ADGRV1: variants seen among roughly 807,000 people sequenced by gnomAD.
The protein encoded by ADGRV1 is adhesion G protein-coupled receptor V1, also known as G-protein coupled receptor 98.
ADGRV1 carries 359 observed loss-of-function variants against 596.2 expected under a neutral mutation model. That is an observed-to-expected ratio of 0.60 (90% CI 0.55 to 0.66). The LOEUF (loss-of-function observed/expected upper bound fraction) is 0.66. Ranked by LOEUF, ADGRV1 falls within the 30% of genes least tolerant of loss-of-function variation. The pLI is 0.00. For missense variants in ADGRV1, 7,274 were observed against 7,575.6 expected (o/e 0.96, Z 1.48); for synonymous variants, 2,681 against 2,679.2 (o/e 1.00, Z -0.02).
At chr5:90,584,435 A>G (rs1024967794) in intron 1 of ADGRV1, among the ~76,000 whole-genome samples, 2 of 152,202 alleles carry the variant, frequency 1.3e-5, no homozygotes, top group Admixed American at 1.3e-4. Flanking sequence ...TTTAGGCATA[A>G]CCAACTTCTC....
intron 1 of ADGRV1, among the ~76,000 whole-genome samples, chr5:90,593,272 TA>T (rs368974202): frequency 0.022 from 3,387 of 152,134 alleles, 96 homozygotes; most frequent in African/African-American, 0.067. Context: ...TATGCAGCCA[TA>T]AAAAAGGATG....
intron 70 of ADGRV1, among the ~76,000 whole-genome samples, chr5:90,794,456 C>G (rs1167054422): frequency 6.6e-6 from 1 of 152,118 alleles, no homozygotes; most frequent in Non-Finnish European, 1.5e-5. Context: ...ATATTTGTGG[C>G]TGGGTCATTT....
intron 1 of ADGRV1, among the ~76,000 whole-genome samples, chr5:90,573,807 A>C (rs967270231): frequency 6.6e-6 from 1 of 152,202 alleles, no homozygotes; most frequent in African/African-American, 2.4e-5. Flanking sequence ...CCATTTACCA[A>C]AGCATAATTT....
At chr5:91,099,503 G>T (rs530116449) in intron 86 of ADGRV1, among the ~76,000 whole-genome samples, 1 of 152,324 alleles carries the variant, frequency 6.6e-6, no homozygotes, top group South Asian at 2.1e-4. Flanking sequence ...AGCTGGAATT[G>T]TGGGACACTG....
At chr5:90,619,304 T>G (rs1385439131) in intron 4 of ADGRV1, 123 bp downstream of exon 4, 1 of 466,912 alleles carries the variant, frequency 2.1e-6, no homozygotes, top group Non-Finnish European at 3.8e-6. Context: ...AAATTTGCTT[T>G]AACTTTGTCC....
At chr5:90,596,231 TGGC>T (rs1265317743) in intron 1 of ADGRV1, among the ~76,000 whole-genome samples, 1 of 143,542 alleles carries the variant, frequency 7.0e-6, no homozygotes, top group Non-Finnish European at 1.5e-5. Flanking sequence ...CTAGATGTGA[TGGC>T]GGCCGGGAAG....
chr5:91,134,174 G>T (rs6898197), intron 87 of ADGRV1, among the ~76,000 whole-genome samples: 2,467 of 151,918 alleles, frequency 0.016, 74 homozygotes, highest in African/African-American at 0.057. Flanking sequence ...TTAAAGGAAT[G>T]ACCTGCTGTT....
intron 43 of ADGRV1, chr5:90,718,504 T>C (rs1373235827): frequency 6.6e-6 from 1 of 152,196 alleles, no homozygotes; most frequent in African/African-American, 2.4e-5. Flanking sequence ...GAAAATATAA[T>C]AAATCTAAAA....
At chr5:90,823,379 G>A (rs765238652) in intron 75 of ADGRV1, 46 bp from the exon 76 acceptor site, 2 of 1,578,918 alleles carry the variant, frequency 1.3e-6, no homozygotes, top group South Asian at 1.1e-5. Flanking sequence ...ATTAGACATG[G>A]GGATGACACC....
chr5:90,777,944 G>A lies in ADGRV1; in HGVS notation c.12567G>A (p.Val4189=), dbSNP rs1335166952. 5 of 1,612,910 alleles carry A rather than the reference G, an allele frequency of 3.1e-6. No homozygotes were observed. Among genetic ancestry groups the A allele is most frequent in the Non-Finnish European group, 4.2e-6 (5 of 1,179,356 alleles). Residue 4189 remains valine (V), a synonymous_variant, in exon 62 of 90, where the codon GTG becomes GTA. Transcript: ENST00000405460. ...RGPGILGEVT[V]FWRIFPPSVG... ...CAGGGATTTTGGGGGAGGTCACAGTGTTCTGGAGGATATTCCCTCCTTCCG... is the reference window on the plus strand; with the variant it reads ...CAGGGATTTTGGGGGAGGTCACAGTATTCTGGAGGATATTCCCTCCTTCCG...
chr5:90,745,939 G>A, intron 52 of ADGRV1, 144 bp downstream of exon 52: 1 of 590,110 alleles, frequency 1.7e-6, no homozygotes, highest in Non-Finnish European at 3.0e-6. Flanking sequence ...TCCCTTTTAT[G>A]TGCATTCTAG....
chr5:90,728,979 A>G, intron 49 of ADGRV1, 46 bp downstream of exon 49: 3 of 1,299,522 alleles, frequency 2.3e-6, no homozygotes, highest in East Asian at 2.4e-5. Flanking sequence ...TATTGAAATC[A>G]TCTAGCATTC....
In ADGRV1 at chr5:90,651,663, C is replaced by T. The variant is rs80077664; in HGVS notation, c.3349C>T (p.Pro1117Ser). 9 of 1,612,060 alleles carry T rather than the reference C, an allele frequency of 5.6e-6. No individual in the cohort carries two copies. The African/African-American group carries it at 1.1e-4, about 19-fold the overall frequency. The stretch of plus-strand genomic sequence containing the variant: ...AGTAATAATTGAAGCTAATGATGAC[C>T]CAAATGGCATTTTTTCTCTGGAGCC... ...ATVIIEANDD[P>S]NGIFSLEPID... is the part of the protein sequence containing the mutation. Residue 1117 changes from proline to serine, a missense_variant, in exon 18 of 90, where the codon CCA (proline) becomes TCA (serine). Pro to Ser is a moderately conservative substitution (Grantham distance 74, BLOSUM62 -1). Transcript: ENST00000405460.
chr5:90,715,142 A>T (rs1363755963), intron 42 of ADGRV1, among the ~76,000 whole-genome samples: 1 of 152,214 alleles, frequency 6.6e-6, no homozygotes, highest in East Asian at 1.9e-4. Context: ...TCAAAACCAA[A>T]CTGTAAGACA....
At chr5:90,833,377 T>C (rs1043707516) in intron 77 of ADGRV1, among the ~76,000 whole-genome samples, 3 of 152,070 alleles carry the variant, frequency 2.0e-5, no homozygotes, top group African/African-American at 7.2e-5. Flanking sequence ...CTTGACCTCC[T>C]AGGCTCAAGC....
At chr5:90,935,802 T>C (rs1264484700) in intron 83 of ADGRV1, among the ~76,000 whole-genome samples, 2 of 152,174 alleles carry the variant, frequency 1.3e-5, no homozygotes, top group African/African-American at 4.8e-5. Flanking sequence ...TGTGGTAACC[T>C]GGATTGCTTG....
intron 70 of ADGRV1, among the ~76,000 whole-genome samples, chr5:90,799,911 T>G (rs1761170597): frequency 6.6e-6 from 1 of 152,098 alleles, no homozygotes; most frequent in Non-Finnish European, 1.5e-5. Flanking sequence ...TCCTTATACC[T>G]TATACAAAAA....
chr5:90,645,444 G>A (rs1386365705), intron 15 of ADGRV1, among the ~76,000 whole-genome samples: 1 of 152,064 alleles, frequency 6.6e-6, no homozygotes, highest in South Asian at 2.1e-4. Context: ...AAGAAACAGC[G>A]TCCACCTGGG....
intron 85 of ADGRV1, among the ~76,000 whole-genome samples, chr5:91,071,047 A>G (rs1416587942): frequency 6.6e-6 from 1 of 152,190 alleles, no homozygotes; most frequent in South Asian, 2.1e-4. Context: ...TAATGGTGAT[A>G]TGATCCCTCA....
Sources: gnomAD v4.1 joint callset for allele counts (sites outside exome capture counted in the v4.1 genomes callset) on GRCh38, gnomAD v4.1.1 for gene constraint, MANE v1.5 for transcripts, NCBI Gene and HGNC (gene_info 2026-07-23, HGNC 2026-07-21) for gene names.